The following PLEKHS1 variants were observed in gnomAD, a reference collection of about 807,000 sequenced individuals.
PLEKHS1 encodes pleckstrin homology domain containing S1.
In PLEKHS1, 55 loss-of-function variants were observed where a neutral mutation model predicts 51.0. The observed-to-expected ratio is 1.08, with a 90% confidence interval of 0.87 to 1.35. The LOEUF is 1.35. Among genes scored for constraint, PLEKHS1 ranks in the 40% most tolerant of loss-of-function variants. The pLI, the probability that PLEKHS1 is intolerant of heterozygous loss-of-function variation, is 0.00. For synonymous variants in PLEKHS1, 153 were observed against 144.8 expected, an observed-to-expected ratio of 1.06 and a Z score of -0.41; for missense variants, 398 against 423.0, an observed-to-expected ratio of 0.94 and a Z score of 0.52.
At chr10:113,778,458 A>C (rs1032845770) in intron 11 of PLEKHS1, among the ~76,000 whole-genome samples, 3 of 152,222 alleles carry the variant, frequency 2.0e-5, no homozygotes, top group African/African-American at 7.2e-5. Context: ...GTGATTGTGT[A>C]GCATATCTAT....
chr10:113,775,648 CA>C, intron 10 of PLEKHS1, 116 bp from the exon 11 acceptor site: 1 of 617,292 alleles, frequency 1.6e-6, no homozygotes, highest in Non-Finnish European at 2.8e-6. Context: ...ATGTTTTGAA[CA>C]ACCTTTACCT....
At chr10:113,757,854 A>G (rs1462554548) in intron 2 of PLEKHS1, among the ~76,000 whole-genome samples, 1 of 152,276 alleles carries the variant, frequency 6.6e-6, no homozygotes, top group East Asian at 1.9e-4. Context: ...GATTTCAAAA[A>G]TAAACAGCAT....
intron 2 of PLEKHS1, among the ~76,000 whole-genome samples, chr10:113,764,321 A>C (rs1844071775): frequency 6.6e-6 from 1 of 152,170 alleles, no homozygotes. Flanking sequence ...GCTGGTCTCA[A>C]ACCCCTGATC....
rs1448510195 is a variant in PLEKHS1, at chr10:113,766,654, GA to G, written c.164del (p.Lys55ArgfsTer25). On this transcript the variant is annotated frameshift_variant, in exon 4 of 12. Transcript: ENST00000361048. LOFTEE classifies it high-confidence loss of function. The stretch of plus-strand genomic sequence containing the variant: ...GTTTTTCATCCTGTCAAAGGCTGGG[GA>G]AAAGAGCTTTAGTCTTTCCTATTAT... 6.2e-7 allele frequency: 1 copy of G among 1,613,116 alleles called. No individual in the cohort carries two copies. The highest frequency in any genetic ancestry group is 1.7e-5 in the Admixed American group (1 of 59,834).
intron 2 of PLEKHS1, among the ~76,000 whole-genome samples, chr10:113,759,171 A>T (rs1593010193): frequency 1.3e-5 from 2 of 152,310 alleles, no homozygotes; most frequent in South Asian, 2.1e-4. Context: ...TGGAAGGCTG[A>T]GGTGGGCAGA....
At chr10:113,764,259 C>T (rs1434310888) in intron 2 of PLEKHS1, among the ~76,000 whole-genome samples, 1 of 152,048 alleles carries the variant, frequency 6.6e-6, no homozygotes, top group Non-Finnish European at 1.5e-5. Flanking sequence ...CACCACCATG[C>T]CCGGCTAATT....
chr10:113,754,774 G>T (rs999940100), intron 1 of PLEKHS1, among the ~76,000 whole-genome samples: 7 of 152,138 alleles, frequency 4.6e-5, no homozygotes, highest in African/African-American at 1.7e-4. Flanking sequence ...ATGAGCCACC[G>T]TGCCTGGCGG....
At chr10:113,769,749 A>C (rs778325531) in intron 6 of PLEKHS1, 35 bp from the exon 7 acceptor site, 2 of 1,363,968 alleles carry the variant, frequency 1.5e-6, no homozygotes, top group Non-Finnish European at 1.0e-6. Flanking sequence ...ACAGAGATCA[A>C]CTGTGCCCTG....
chr10:113,766,229 G>A (rs992206967), intron 2 of PLEKHS1, among the ~76,000 whole-genome samples, 182 bp from the exon 3 acceptor site: 3 of 152,182 alleles, frequency 2.0e-5, no homozygotes, highest in Non-Finnish European at 4.4e-5. Context: ...TGAAGGTCTC[G>A]GCTGTGGAGG....
downstream of PLEKHS1, chr10:113,782,649 T>A (rs1844894838): frequency 6.6e-6 from 1 of 152,418 alleles, no homozygotes; most frequent in Admixed American, 6.5e-5. Flanking sequence ...GCTCACTCTC[T>A]TCCTCCTGCT....
At chr10:113,763,471 C>G (rs968851601) in intron 2 of PLEKHS1, among the ~76,000 whole-genome samples, 1 of 152,090 alleles carries the variant, frequency 6.6e-6, no homozygotes, top group African/African-American at 2.4e-5. Context: ...TTAAATGTAT[C>G]ATATTGTTAT....
chr10:113,762,555 G>T (rs994045492), intron 2 of PLEKHS1, among the ~76,000 whole-genome samples: 2 of 151,072 alleles, frequency 1.3e-5, no homozygotes, highest in Admixed American at 6.6e-5. Flanking sequence ...TTTTCATCCA[G>T]TTCAAAAAAC....
chr10:113,763,073 AT>A (rs1322276387), intron 2 of PLEKHS1, among the ~76,000 whole-genome samples: 2 of 152,090 alleles, frequency 1.3e-5, no homozygotes, highest in Non-Finnish European at 2.9e-5. Flanking sequence ...GGATGTGTCC[AT>A]TTATTCATGC....
chr10:113,757,866 T>A (rs1843739725), intron 2 of PLEKHS1, among the ~76,000 whole-genome samples: 1 of 152,250 alleles, frequency 6.6e-6, no homozygotes. Context: ...AAACAGCATG[T>A]TCACCAGCTG....
intron 1 of PLEKHS1, among the ~76,000 whole-genome samples, chr10:113,754,588 T>C (rs1854010881): frequency 6.6e-6 from 1 of 152,124 alleles, no homozygotes; most frequent in African/African-American, 2.4e-5. Flanking sequence ...CTCTCCTACC[T>C]CAGCCTCCTG....
chr10:113,755,790 T>C (rs1854082467), intron 2 of PLEKHS1, among the ~76,000 whole-genome samples: 1 of 152,202 alleles, frequency 6.6e-6, no homozygotes, highest in African/African-American at 2.4e-5. Context: ...TGGATTCAAT[T>C]AATTATTGTG....
At chr10:113,766,842 A>C in intron 4 of PLEKHS1, 124 bp downstream of exon 4, 2 of 702,934 alleles carry the variant, frequency 2.8e-6, no homozygotes, top group Non-Finnish European at 4.7e-6. Flanking sequence ...TGATTATAAT[A>C]TTTGTGACTG....
chr10:113,774,247 C>A, exon 9 of PLEKHS1: 1 of 1,599,474 alleles, frequency 6.3e-7, no homozygotes, highest in Non-Finnish European at 8.5e-7. Context: ...TCATTGCTTC[C>A]AGTGATTCTG....
rs571785677 is a variant in PLEKHS1 at position 113,771,027 on chromosome 10, C to T, written c.553-943C>T. On this transcript the variant is annotated intron_variant, in intron 7 of 11. Transcript: ENST00000361048. Reference sequence around the variant, plus strand: ...AAAACTTGACTTTTTTTCTAGAGAACATTCAGGGTCTTTTCCAAACCCCCT... The same window carrying T: ...AAAACTTGACTTTTTTTCTAGAGAATATTCAGGGTCTTTTCCAAACCCCCT... Among the ~76,000 whole-genome samples the T allele has an allele frequency of 2.0e-5, 3 of 152,246 alleles. No homozygotes were observed. The East Asian group carries it at 5.8e-4, about 29-fold the overall frequency.
Sources: gnomAD v4.1 joint callset for allele counts (sites outside exome capture counted in the v4.1 genomes callset) on GRCh38, gnomAD v4.1.1 for gene constraint, MANE v1.5 for transcripts, NCBI Gene and HGNC (gene_info 2026-07-23, HGNC 2026-07-21) for gene names.